HS6ST3: variants seen among roughly 807,000 people sequenced by gnomAD.
HS6ST3 encodes heparan sulfate 6-O-sulfotransferase 3, also known as heparan-sulfate 6-O-sulfotransferase 3.
In HS6ST3, 12 loss-of-function variants were observed where a neutral mutation model predicts 36.7. The ratio of observed to expected loss-of-function variants is 0.33; its 90% CI spans 0.21 to 0.53. The LOEUF (loss-of-function observed/expected upper bound fraction) is 0.53. Ranked by LOEUF, HS6ST3 falls within the 20% of genes least tolerant of loss-of-function variation. The probability of loss-of-function intolerance (pLI) is 0.95; values close to 1 mark genes in which losing one functional copy is unlikely to be tolerated. For missense variants in HS6ST3, 584 were observed against 640.9 expected (o/e 0.91, Z 0.96); for synonymous variants, 240 against 257.5 (o/e 0.93, Z 0.65).
intron 1 of HS6ST3, among the ~76,000 whole-genome samples, chr13:96,817,868 GT>G (rs1274048533): frequency 2.0e-5 from 3 of 152,094 alleles, no homozygotes; most frequent in Non-Finnish European, 4.4e-5. Flanking sequence ...GTGTTATTCT[GT>G]TGCTTAAGGG....
intron 1 of HS6ST3, among the ~76,000 whole-genome samples, chr13:96,554,801 G>A (rs1462893655): frequency 6.6e-6 from 1 of 151,968 alleles, no homozygotes; most frequent in Non-Finnish European, 1.5e-5. Context: ...AGGCGCAGTG[G>A]CTCATGCTTG....
intron 1 of HS6ST3, among the ~76,000 whole-genome samples, chr13:96,626,841 T>A (rs556553982): frequency 6.6e-6 from 1 of 152,154 alleles, no homozygotes; most frequent in African/African-American, 2.4e-5. Flanking sequence ...GTATTTTTTT[T>A]AAAAAAATAC....
At chr13:96,128,333 A>C (rs1039006918) in intron 1 of HS6ST3, among the ~76,000 whole-genome samples, 3 of 152,206 alleles carry the variant, frequency 2.0e-5, no homozygotes, top group Non-Finnish European at 4.4e-5. Context: ...GAAGGCAAAG[A>C]TTTGCCGATT....
intron 1 of HS6ST3, chr13:96,573,935 G>A: frequency 1.9e-6 from 1 of 530,280 alleles, no homozygotes. Flanking sequence ...GGAGGTGACT[G>A]CACAGATGTG....
intron 1 of HS6ST3, among the ~76,000 whole-genome samples, chr13:96,187,200 C>T (rs1363733738): frequency 6.6e-6 from 1 of 152,192 alleles, no homozygotes; most frequent in Non-Finnish European, 1.5e-5. Flanking sequence ...ACTTTTGGTA[C>T]TTGTCTGCAT....
At chr13:96,665,000 C>A (rs376246553) in intron 1 of HS6ST3, among the ~76,000 whole-genome samples, 2 of 151,928 alleles carry the variant, frequency 1.3e-5, no homozygotes, top group Admixed American at 6.6e-5. Flanking sequence ...GGTGAAACCG[C>A]GTCTCTACAA....
intron 1 of HS6ST3, among the ~76,000 whole-genome samples, chr13:96,737,018 A>C (rs926443472): frequency 6.6e-6 from 1 of 152,168 alleles, no homozygotes; most frequent in African/African-American, 2.4e-5. Context: ...ACTAAGAAAA[A>C]CAAAATAATA....
intron 1 of HS6ST3, among the ~76,000 whole-genome samples, chr13:96,263,987 C>T (rs1477514488): frequency 6.6e-6 from 1 of 152,168 alleles, no homozygotes; most frequent in Non-Finnish European, 1.5e-5. Flanking sequence ...GTGGGGACCA[C>T]TCTCTGGCCC....
At position 96,325,601 on chromosome 13, in the gene HS6ST3, A is replaced by G. The variant is rs908713771; in HGVS notation, c.707+234032A>G. ...TGTGTGTAGATTATATGCAAATCCT[A>G]TGCCATTTTCTGTCAAAGACTTGAA... On this transcript the variant is annotated intron_variant, in intron 1 of 1. Coordinates refer to ENST00000376705, the MANE Select transcript of HS6ST3 (RefSeq NM_153456.4). Among the ~76,000 whole-genome samples, 6 of 151,976 alleles carry G rather than the reference A, an allele frequency of 3.9e-5. No individual in the cohort carries two copies. The South Asian group carries it at 1.0e-3, about 26-fold the overall frequency.
intron 1 of HS6ST3, among the ~76,000 whole-genome samples, chr13:96,238,744 C>T (rs1172192351): frequency 2.0e-5 from 3 of 152,192 alleles, no homozygotes; most frequent in African/African-American, 7.2e-5. Flanking sequence ...CACTGTTTTA[C>T]CCCAGTACCC....
rs538656374 is a variant in HS6ST3 at position 96,416,319 on chromosome 13, T to C, written c.707+324750T>C. On this transcript the variant is annotated intron_variant, in intron 1 of 1. Coordinates refer to ENST00000376705, the MANE Select transcript of HS6ST3 (RefSeq NM_153456.4). ...TATATTTGCAGTCAATTGAAAAAAA[T>C]ATTTTTCATTTTAAGTGTCTTAATC... Among the ~76,000 whole-genome samples the C allele has an allele frequency of 5.1e-4, 77 of 152,264 alleles. No individual in the cohort carries two copies. The South Asian group carries it at 7.0e-3, about 14-fold the overall frequency.
chr13:96,302,307 A>G (rs1393603254), intron 1 of HS6ST3, among the ~76,000 whole-genome samples: 1 of 152,006 alleles, frequency 6.6e-6, no homozygotes, highest in Admixed American at 6.5e-5. Context: ...TAGCATAACA[A>G]TTGGAAATTA....
intron 1 of HS6ST3, among the ~76,000 whole-genome samples, chr13:96,150,706 G>T (rs2054080953): frequency 1.3e-5 from 2 of 152,100 alleles, no homozygotes; most frequent in Admixed American, 6.5e-5. Context: ...TAGGTCCCCT[G>T]TGACTTTGAG....
chr13:96,585,721 G>T (rs1746058724), intron 1 of HS6ST3, among the ~76,000 whole-genome samples: 1 of 152,092 alleles, frequency 6.6e-6, no homozygotes. Context: ...GTATTTCTGT[G>T]CTTGGCTTAT....
chr13:96,171,748 G>A (rs1376228461), intron 1 of HS6ST3, among the ~76,000 whole-genome samples: 1 of 152,176 alleles, frequency 6.6e-6, no homozygotes, highest in Non-Finnish European at 1.5e-5. Flanking sequence ...GAGTAGTTAT[G>A]TCCTAGCAAT....
chr13:96,186,358 G>C (rs1175869977), intron 1 of HS6ST3, among the ~76,000 whole-genome samples: 3 of 152,182 alleles, frequency 2.0e-5, no homozygotes, highest in African/African-American at 7.2e-5. Context: ...TCCTCTACTG[G>C]CAGAAATTCT....
chr13:96,416,064 G>T (rs2055531436), intron 1 of HS6ST3, among the ~76,000 whole-genome samples: 1 of 152,202 alleles, frequency 6.6e-6, no homozygotes, highest in Admixed American at 6.5e-5. Context: ...ACAGCCTGCT[G>T]TTTCTGCTAT....
At chr13:96,790,161 C>G (rs1302817625) in intron 1 of HS6ST3, among the ~76,000 whole-genome samples, 1 of 151,794 alleles carries the variant, frequency 6.6e-6, no homozygotes, top group African/African-American at 2.4e-5. Flanking sequence ...TTACTAACTT[C>G]ATTTTGCCAT....
intron 1 of HS6ST3, among the ~76,000 whole-genome samples, chr13:96,524,176 C>T (rs1010723591): frequency 3.3e-5 from 5 of 152,120 alleles, no homozygotes; most frequent in African/African-American, 1.2e-4. Flanking sequence ...GCCTGGGTAC[C>T]ACCAGCAGAG....
Sources: gnomAD v4.1 joint callset for allele counts (sites outside exome capture counted in the v4.1 genomes callset) on GRCh38, gnomAD v4.1.1 for gene constraint, MANE v1.5 for transcripts, NCBI Gene and HGNC (gene_info 2026-07-23, HGNC 2026-07-21) for gene names.